Variants in SORCS1 observed in about 807,000 individuals in gnomAD.
The protein encoded by SORCS1 is sortilin related VPS10 domain containing receptor 1.
In SORCS1, 60 loss-of-function variants were observed where a neutral mutation model predicts 146.1. The observed-to-expected ratio is 0.41, with a 90% CI of 0.33 to 0.51. The LOEUF (loss-of-function observed/expected upper bound fraction) is 0.51, where lower values mean the gene tolerates loss of function less well. SORCS1 is among the 20% of genes least tolerant of loss of function. The pLI is 0.21. For synonymous variants in SORCS1, 637 were observed against 584.0 expected (o/e 1.09, Z -1.31); for missense variants, 1,352 against 1,487.6 (o/e 0.91, Z 1.50).
chr10:107,108,149 G>T (rs149957433), intron 1 of SORCS1, among the ~76,000 whole-genome samples: 18 of 152,262 alleles, frequency 1.2e-4, no homozygotes, highest in African/African-American at 4.1e-4. Flanking sequence ...CAGGCATCTG[G>T]AGGGAAACAC....
At chr10:106,878,646 A>ATATATATATATATATCTATATATATATT (rs1200849744) in intron 2 of SORCS1, among the ~76,000 whole-genome samples, 4 of 117,888 alleles carry the variant, frequency 3.4e-5, no homozygotes, top group Non-Finnish European at 3.7e-5. Flanking sequence ...ATATATATAT[A>ATATATATATATATATCTATATATATATT]TATTTTATAG....
intron 2 of SORCS1, among the ~76,000 whole-genome samples, chr10:106,953,257 G>A (rs143508926): frequency 1.1e-3 from 168 of 151,730 alleles, no homozygotes; most frequent in African/African-American, 3.6e-3. Context: ...ACTAAAATCC[G>A]CAGATGCTCA....
chr10:107,138,704 T>C (rs1967547001), intron 1 of SORCS1, among the ~76,000 whole-genome samples: 1 of 152,240 alleles, frequency 6.6e-6, no homozygotes, highest in Non-Finnish European at 1.5e-5. Flanking sequence ...GCACTTCATG[T>C]GTAGAGTACA....
chr10:106,630,844 C>A (rs1156411484), intron 18 of SORCS1, among the ~76,000 whole-genome samples: 1 of 149,298 alleles, frequency 6.7e-6, no homozygotes, highest in Non-Finnish European at 1.5e-5. Flanking sequence ...AAATCCCAGA[C>A]CTGTAAAAAA....
At chr10:106,699,546 A>G (rs1004901572) in intron 8 of SORCS1, among the ~76,000 whole-genome samples, 153 bp from the exon 9 acceptor site, 1 of 152,238 alleles carries the variant, frequency 6.6e-6, no homozygotes, top group African/African-American at 2.4e-5. Context: ...ATAATAGTTA[A>G]GCATTAATCA....
chr10:106,665,296 G>A (rs1170077070), intron 17 of SORCS1, among the ~76,000 whole-genome samples: 1 of 152,032 alleles, frequency 6.6e-6, no homozygotes, highest in African/African-American at 2.4e-5. Flanking sequence ...AAAGGAGAAG[G>A]GGCTTTGTCA....
chr10:106,863,107 G>C (rs544611857), intron 2 of SORCS1, among the ~76,000 whole-genome samples: 36 of 152,124 alleles, frequency 2.4e-4, no homozygotes, highest in African/African-American at 8.2e-4. Flanking sequence ...AAACAAAGAG[G>C]GCTACAAATG....
intron 2 of SORCS1, among the ~76,000 whole-genome samples, chr10:106,857,050 C>T (rs1049621312): frequency 4.9e-4 from 74 of 152,282 alleles, no homozygotes; most frequent in African/African-American, 1.7e-3. Flanking sequence ...TCCTTCTGAT[C>T]AGAAAATCTC....
At position 107,009,378 on chromosome 10, in the gene SORCS1, G is replaced by A. The variant is rs563120026; in HGVS notation, c.559-52798C>T. ...AATCACAGACATTTTAGAATTATTT[G>A]GGCAGAGAGTTCCAGATTTTTATTT... is the stretch of plus-strand genomic sequence containing the variant. On this transcript the variant is annotated intron_variant, in intron 1 of 25. Coordinates refer to ENST00000263054, the MANE Select transcript of SORCS1 (RefSeq NM_052918.5). Among the ~76,000 whole-genome samples the A allele has an allele frequency of 4.7e-4, 71 of 152,246 alleles. No homozygotes were observed. In the South Asian group the frequency reaches 0.014, roughly 31 times the overall value.
chr10:106,949,972 T>A (rs557335738), intron 2 of SORCS1, among the ~76,000 whole-genome samples: 1 of 152,370 alleles, frequency 6.6e-6, no homozygotes, highest in East Asian at 1.9e-4. Flanking sequence ...AATATATTTC[T>A]TCTCAGAAGT....
intron 24 of SORCS1, among the ~76,000 whole-genome samples, chr10:106,581,827 A>G (rs986877530): frequency 6.6e-6 from 1 of 152,216 alleles, no homozygotes; most frequent in South Asian, 2.1e-4. Context: ...CAAGGAAATT[A>G]TATTAGGAAG....
chr10:106,858,540 G>A lies in SORCS1; in HGVS notation c.627-28867C>T, dbSNP rs369177889. The stretch of plus-strand genomic sequence containing the variant: ...GGAGAATGGTGTGAACCCAGGAGGC[G>A]GAGCTGGCAATGAGCCGAGATTGCA... On this transcript the variant is annotated intron_variant, in intron 2 of 25. Coordinates refer to ENST00000263054, the MANE Select transcript of SORCS1 (RefSeq NM_052918.5). Among the ~76,000 whole-genome samples, 57 of 149,976 alleles carry A rather than the reference G, an allele frequency of 3.8e-4. No homozygotes were observed. The East Asian group carries it at 5.2e-3, about 14-fold the overall frequency.
rs1948907365 is a variant in SORCS1 at position 106,839,003 on chromosome 10, T to C, written c.627-9330A>G. Among the ~76,000 whole-genome samples the C allele has an allele frequency of 2.0e-5, 3 of 152,174 alleles. No individual in the cohort carries two copies. The South Asian group carries it at 6.2e-4, about 32-fold the overall frequency. On this transcript the variant is annotated intron_variant, in intron 2 of 25. Transcript: ENST00000263054. ...TGTTTTGACTGCTCCAACAACCAGCTATTCCCTATCCCTTTCTCCCTCCTT... is the reference window on the plus strand; with the variant it reads ...TGTTTTGACTGCTCCAACAACCAGCCATTCCCTATCCCTTTCTCCCTCCTT...
intron 24 of SORCS1, among the ~76,000 whole-genome samples, chr10:106,591,179 C>T (rs1845582786): frequency 6.6e-6 from 1 of 152,126 alleles, no homozygotes; most frequent in Admixed American, 6.5e-5. Flanking sequence ...AAAATAGGGA[C>T]CAGTGATTCA....
intron 23 of SORCS1, among the ~76,000 whole-genome samples, chr10:106,598,122 T>C (rs745596957): frequency 7.2e-5 from 11 of 152,078 alleles, no homozygotes; most frequent in Non-Finnish European, 1.5e-4. Context: ...TAAGGTTTTA[T>C]GGATGAGGTA....
chr10:106,873,350 T>G (rs182280822), intron 2 of SORCS1, among the ~76,000 whole-genome samples: 1 of 152,192 alleles, frequency 6.6e-6, no homozygotes, highest in African/African-American at 2.4e-5. Flanking sequence ...TTCCTTGATA[T>G]TTATATTCCT....
intron 2 of SORCS1, among the ~76,000 whole-genome samples, chr10:106,945,286 A>G (rs966674808): frequency 3.3e-5 from 5 of 151,994 alleles, no homozygotes; most frequent in African/African-American, 1.2e-4. Flanking sequence ...TCATGCTGAA[A>G]GAATAAAGAG....
At chr10:106,976,300 C>T (rs1955998695) in intron 1 of SORCS1, among the ~76,000 whole-genome samples, 1 of 148,596 alleles carries the variant, frequency 6.7e-6, no homozygotes, top group Admixed American at 6.7e-5. Context: ...TGGTGGTTTG[C>T]TGCACCTATC....
Position 107,062,469 on chromosome 10 carries a change from C to G in SORCS1, c.558+101500G>C, listed in dbSNP as rs572796515. On this transcript the variant is annotated intron_variant, in intron 1 of 25. Transcript: ENST00000263054. ...ATAAACATAATTATAATTAAGGCAC[C>G]TTTTTAATTAAAATACTCATGAAAA... 2.6e-5 allele frequency among the ~76,000 whole-genome samples: 4 copies of G among 151,688 alleles called. No individual in the cohort carries two copies. In the South Asian group the frequency reaches 8.4e-4, roughly 32 times the overall value.
Sources: gnomAD v4.1 joint callset for allele counts (sites outside exome capture counted in the v4.1 genomes callset) on GRCh38, gnomAD v4.1.1 for gene constraint, MANE v1.5 for transcripts, NCBI Gene and HGNC (gene_info 2026-07-23, HGNC 2026-07-21) for gene names.